MSTO1: variants seen among roughly 807,000 people sequenced by gnomAD.
The protein encoded by MSTO1 is protein misato homolog 1.
Under a neutral mutation model 55.7 loss-of-function variants are expected in MSTO1, and 24 were observed. The ratio of observed to expected loss-of-function variants is 0.43; its 90% confidence interval spans 0.31 to 0.61. MSTO1 has a LOEUF of 0.61. Ranked by LOEUF, MSTO1 falls within the 20% of genes least tolerant of loss-of-function variation. The pLI is 0.09. For synonymous variants in MSTO1, 162 were observed against 252.8 expected, an observed-to-expected ratio of 0.64 and a Z score of 3.41; for missense variants, 363 against 625.7, an observed-to-expected ratio of 0.58 and a Z score of 4.48.
At chr1:155,581,681 C>T in the MSTO1 span, among the ~76,000 whole-genome samples, 4 of 152,002 alleles carry the variant, frequency 2.6e-5, no homozygotes, top group Admixed American at 6.6e-5. Context: ...GGATTACAGG[C>T]GTGAGCCACT....
At chr1:155,578,336 CTTTTTTTT>C in the MSTO1 span, among the ~76,000 whole-genome samples, 45 of 44,292 alleles carry the variant, frequency 1.0e-3, 1 homozygote, top group East Asian at 2.3e-3. Flanking sequence ...AACTACCTTT[CTTTTTTTT>C]TTTTTTTTTT....
At chr1:155,584,691 A>AAAAAAAAAAAAAAAAAAAAAAG in the MSTO1 span, among the ~76,000 whole-genome samples, 6 of 75,570 alleles carry the variant, frequency 7.9e-5, no homozygotes, top group Non-Finnish European at 1.2e-4. Flanking sequence ...AAAAAAAAAA[A>AAAAAAAAAAAAAAAAAAAAAAG]AAAGAAAGAA....
the MSTO1 span, among the ~76,000 whole-genome samples, chr1:155,593,399 G>A: frequency 5.3e-5 from 8 of 152,168 alleles, no homozygotes; most frequent in Admixed American, 2.0e-4. Context: ...CATGTGTAAC[G>A]TAACATGATA....
chr1:155,600,021 C>G, the MSTO1 span, among the ~76,000 whole-genome samples: 1 of 152,178 alleles, frequency 6.6e-6, no homozygotes. Context: ...AGATGCCTTC[C>G]TCTTGTCTCA....
the MSTO1 span, among the ~76,000 whole-genome samples, chr1:155,595,176 G>GTTTT: frequency 1.6e-4 from 16 of 102,514 alleles, no homozygotes; most frequent in Admixed American, 3.5e-4. Context: ...CAGGTTTGTT[G>GTTTT]TTTTTTTTTT....
the MSTO1 span, among the ~76,000 whole-genome samples, chr1:155,565,679 A>G: frequency 4.3e-4 from 65 of 152,344 alleles, 4 homozygotes; most frequent in East Asian, 0.012. Context: ...TTACTTACAT[A>G]TGGTCTCTGT....
the MSTO1 span, among the ~76,000 whole-genome samples, chr1:155,583,233 T>C: frequency 2.0e-5 from 3 of 151,408 alleles, no homozygotes; most frequent in Admixed American, 1.3e-4. Context: ...TTTTTTTTTT[T>C]TTTTTTTACT....
Position 155,614,096 on chromosome 1 carries a change from C to G in MSTO1, c.1536C>G (p.Ser512=). 6.7e-7 allele frequency: 1 copy of G among 1,486,472 alleles called. No homozygotes were observed. The highest frequency in any genetic ancestry group is 9.0e-7 in the Non-Finnish European group (1 of 1,109,876). The allele number at this position is 1,486,472 out of a possible 1,614,324, so 92.1% of individuals were successfully genotyped here. A position where few individuals can be genotyped will look rare whatever the true frequency, so the allele number is the denominator to read the frequency against. The part of the protein sequence containing the change: ...ESIPVFGALC[S]SSSLHQTLEA... ...TCCCAGTGTTTGGGGCACTGTGTTC[C>G]TCTTCGTCCCTGCACCAGACCCTGG... Residue 512 remains serine (S), a synonymous_variant, in exon 14 of 14, where the codon TCC becomes TCG. Coordinates refer to ENST00000245564, the MANE Select transcript of MSTO1 (RefSeq NM_018116.4).
At chr1:155,609,216 A>AATATAT (rs1309185452), upstream of MSTO1, among the ~76,000 whole-genome samples, 4 of 103,718 alleles carry the variant, frequency 3.9e-5, no homozygotes, top group South Asian at 3.6e-4. Flanking sequence ...TATTATCAGC[A>AATATAT]GTATATATAT....
chr1:155,576,427 A>C, the MSTO1 span, among the ~76,000 whole-genome samples: 11 of 151,756 alleles, frequency 7.2e-5, no homozygotes, highest in African/African-American at 2.4e-5. Context: ...CCCGGGTTCA[A>C]GTGATTCTCC....
chr1:155,567,467 G>A, the MSTO1 span, among the ~76,000 whole-genome samples: 2 of 151,896 alleles, frequency 1.3e-5, no homozygotes, highest in Non-Finnish European at 2.9e-5. Context: ...GCCCGCCACT[G>A]CGCCCGGCTA....
At chr1:155,564,337 T>A in the MSTO1 span, among the ~76,000 whole-genome samples, 1 of 152,014 alleles carries the variant, frequency 6.6e-6, no homozygotes, top group African/African-American at 2.4e-5. Context: ...CTACTAAAAA[T>A]ACAAAAATTA....
the MSTO1 span, among the ~76,000 whole-genome samples, chr1:155,573,195 A>G: frequency 6.6e-6 from 1 of 152,156 alleles, no homozygotes; most frequent in Non-Finnish European, 1.5e-5. Context: ...AGCTTTAAAA[A>G]TATTGATGCC....
the MSTO1 span, among the ~76,000 whole-genome samples, chr1:155,576,199 T>A: frequency 6.6e-6 from 1 of 152,216 alleles, no homozygotes; most frequent in East Asian, 1.9e-4. Context: ...TTAAGTTCTA[T>A]GTGATTTGCA....
At chr1:155,597,536 G>A in the MSTO1 span, among the ~76,000 whole-genome samples, 1 of 151,038 alleles carries the variant, frequency 6.6e-6, no homozygotes, top group African/African-American at 2.4e-5. Flanking sequence ...TTTAGAAGAA[G>A]TCTCACTCTG....
At chr1:155,604,318 CTG>C in the MSTO1 span, among the ~76,000 whole-genome samples, 3 of 152,190 alleles carry the variant, frequency 2.0e-5, no homozygotes, top group African/African-American at 7.2e-5. Context: ...TCAAAACTGA[CTG>C]ACAATGGACC....
chr1:155,566,203 A>G, the MSTO1 span: 11 of 152,182 alleles, frequency 7.2e-5, no homozygotes, highest in East Asian at 1.9e-3. Flanking sequence ...GAACGCTCCA[A>G]CAGTGCCTTC....
At chr1:155,589,758 C>G in the MSTO1 span, among the ~76,000 whole-genome samples, 3 of 151,672 alleles carry the variant, frequency 2.0e-5, no homozygotes, top group Non-Finnish European at 4.4e-5. Flanking sequence ...GTCGGCTCAT[C>G]CTACCTTCTT....
intron 13 of MSTO1, 134 bp from the exon 14 acceptor site, chr1:155,613,925 C>T (rs1369106473): frequency 1.5e-6 from 1 of 682,180 alleles, no homozygotes; most frequent in Non-Finnish European, 2.5e-6. Context: ...TACTGGTGTA[C>T]TAAGGGGACA....
Sources: allele counts gnomAD v4.1 joint callset (sites outside exome capture counted in the v4.1 genomes callset), GRCh38; gene constraint gnomAD v4.1.1; transcripts MANE v1.5; gene names NCBI Gene and HGNC (gene_info 2026-07-23, HGNC 2026-07-21).